Variants in IL1RL1 observed in about 807,000 individuals in gnomAD.
IL1RL1 encodes the protein interleukin 1 receptor like 1, also known as interleukin-1 receptor-like 1.
Under a neutral mutation model 50.9 loss-of-function variants are expected in IL1RL1, and 32 were observed. That is an observed-to-expected ratio of 0.63 (90% CI 0.47 to 0.84). IL1RL1 has a LOEUF of 0.84. IL1RL1 is among the 40% of genes least tolerant of loss of function. The pLI is 0.00. For synonymous variants in IL1RL1, 275 were observed against 236.0 expected (o/e 1.17, Z -1.51); for missense variants, 773 against 662.9 (o/e 1.17, Z -1.82).
chr2:102,332,875 G>C (rs1677214008), intron 1 of IL1RL1, among the ~76,000 whole-genome samples: 1 of 152,172 alleles, frequency 6.6e-6, no homozygotes, highest in Non-Finnish European at 1.5e-5. Flanking sequence ...GAGTAGTTAG[G>C]CTAAGTCTCA....
chr2:102,343,531 T>G, intron 8 of IL1RL1, 116 bp downstream of exon 8: 1 of 1,588,746 alleles, frequency 6.3e-7, no homozygotes, highest in South Asian at 1.1e-5. Flanking sequence ...TGCCATAAAA[T>G]GTGCTTCTCT....
chr2:102,334,472 C>T (rs957522947), intron 1 of IL1RL1, among the ~76,000 whole-genome samples: 3 of 151,998 alleles, frequency 2.0e-5, no homozygotes, highest in Non-Finnish European at 4.4e-5. Flanking sequence ...CAGGCTAGGC[C>T]GTCTAGGGGC....
Position 102,323,598 on chromosome 2 carries a change from G to A in IL1RL1, c.-150+11975G>A, listed in dbSNP as rs116060721. ...TGGGAGAGAAGAAGCAAGGGGTGGGGGAGTGCTAAGTTCTTTTTAACAGCC... is the reference window on the plus strand; with the variant it reads ...TGGGAGAGAAGAAGCAAGGGGTGGGAGAGTGCTAAGTTCTTTTTAACAGCC... On this transcript the variant is annotated intron_variant, in intron 1 of 10. Transcript: ENST00000233954. Among the ~76,000 whole-genome samples the A allele has an allele frequency of 4.7e-4, 72 of 152,022 alleles. 1 individual carries two copies. The highest frequency in any genetic ancestry group is 1.7e-3 in the African/African-American group (71 of 41,472).
At chr2:102,324,390 T>C (rs1038954935) in intron 1 of IL1RL1, among the ~76,000 whole-genome samples, 3 of 152,122 alleles carry the variant, frequency 2.0e-5, no homozygotes, top group Admixed American at 1.3e-4. Flanking sequence ...GATGGCCAAA[T>C]AGGAACAGCT....
intron 1 of IL1RL1, among the ~76,000 whole-genome samples, chr2:102,330,184 T>G (rs1022665956): frequency 2.6e-5 from 4 of 152,204 alleles, no homozygotes; most frequent in Non-Finnish European, 2.9e-5. Context: ...GTTCATGTCC[T>G]TTGTAGGGAC....
rs550074742 is a variant in IL1RL1, at chr2:102,341,061, C to T, written c.610+233C>T. On this transcript the variant is annotated intron_variant, in intron 5 of 10. Coordinates refer to ENST00000233954, the MANE Select transcript of IL1RL1 (RefSeq NM_016232.5). ...TTACTAATTCAAAGCCACATCTGTT[C>T]TTTATTCTTTTTTTGTGACTTAATT... 91 of 693,056 alleles carry T rather than the reference C, an allele frequency of 1.3e-4. 1 individual carries two copies. Among genetic ancestry groups the T allele is most frequent in the Non-Finnish European group, 1.8e-4 (87 of 484,816 alleles). The allele number at this position is 693,056 out of a possible 1,614,324, so 42.9% of individuals were successfully genotyped here. A position where few individuals can be genotyped will look rare whatever the true frequency, so the allele number is the denominator to read the frequency against.
chr2:102,314,225 C>A (rs1260392582), intron 1 of IL1RL1, among the ~76,000 whole-genome samples: 1 of 152,202 alleles, frequency 6.6e-6, no homozygotes, highest in Non-Finnish European at 1.5e-5. Context: ...CACACCACAT[C>A]CTGCCATTCT....
At chr2:102,338,805 T>G in intron 2 of IL1RL1, 32 bp from the exon 3 acceptor site, 1 of 1,484,254 alleles carries the variant, frequency 6.7e-7, no homozygotes, top group South Asian at 1.1e-5. Context: ...ATTTGATCAT[T>G]TCAGGATTGT....
intron 1 of IL1RL1, among the ~76,000 whole-genome samples, chr2:102,312,002 T>C (rs1573122386): frequency 3.5e-5 from 1 of 28,538 alleles, no homozygotes. Context: ...ATATAATATA[T>C]TTATATATAT....
intron 1 of IL1RL1, among the ~76,000 whole-genome samples, chr2:102,333,668 T>G (rs1157327192): frequency 6.6e-6 from 1 of 152,190 alleles, no homozygotes; most frequent in Non-Finnish European, 1.5e-5. Flanking sequence ...ATTGCATTAC[T>G]GGTGGGGACT....
chr2:102,349,001 G>T, intron 9 of IL1RL1, 78 bp from the exon 10 acceptor site: 1 of 1,089,864 alleles, frequency 9.2e-7, no homozygotes, highest in Admixed American at 1.8e-5. Context: ...ATAAAACTTG[G>T]AGAGGAATGT....
chr2:102,333,426 T>G (rs1432120609), intron 1 of IL1RL1, among the ~76,000 whole-genome samples: 2 of 152,120 alleles, frequency 1.3e-5, no homozygotes, highest in South Asian at 2.1e-4. Flanking sequence ...GAGCCAACAT[T>G]CAGCATGGAG....
intron 1 of IL1RL1, among the ~76,000 whole-genome samples, chr2:102,325,602 G>GA (rs1365211594): frequency 9.2e-5 from 14 of 151,980 alleles, no homozygotes; most frequent in East Asian, 3.9e-4. Flanking sequence ...TAAAAACCTT[G>GA]AAAAAAAATT....
intron 1 of IL1RL1, among the ~76,000 whole-genome samples, chr2:102,335,964 A>T (rs1367794768): frequency 6.6e-6 from 1 of 152,122 alleles, no homozygotes; most frequent in Non-Finnish European, 1.5e-5. Flanking sequence ...TACGGCGAAC[A>T]TCTCATGGTC....
At chr2:102,317,687 C>A (rs1057500833) in intron 1 of IL1RL1, among the ~76,000 whole-genome samples, 1 of 152,016 alleles carries the variant, frequency 6.6e-6, no homozygotes, top group East Asian at 1.9e-4. Flanking sequence ...AGTAAACACA[C>A]ATTTGGAGAG....
intron 1 of IL1RL1, among the ~76,000 whole-genome samples, chr2:102,314,803 C>T (rs1252960433): frequency 6.6e-6 from 1 of 152,138 alleles, no homozygotes; most frequent in Non-Finnish European, 1.5e-5. Flanking sequence ...CAGAGAGGAG[C>T]TGACTGCAAA....
chr2:102,343,148 A>G lies in IL1RL1; in HGVS notation c.795A>G (p.Arg265=). 6.2e-7 allele frequency: 1 copy of G among 1,614,146 alleles called. No individual in the cohort carries two copies. The highest frequency in any genetic ancestry group is 1.7e-5 in the Admixed American group (1 of 60,018). ...GTKITDFGEP[R]IQQEEGQNQS... ...AAATTACAGACTTTGGTGAACCAAG[A>G]ATTCAACAAGAGGAAGGGCAAAATC... Residue 265 remains arginine (R), a synonymous_variant, in exon 7 of 11, where the codon AGA becomes AGG. Transcript: ENST00000233954.
chr2:102,311,787 A>G (rs1553659690), intron 1 of IL1RL1, among the ~76,000 whole-genome samples, 164 bp downstream of exon 1: 1 of 109,538 alleles, frequency 9.1e-6, no homozygotes, highest in Admixed American at 1.3e-4. Context: ...TTGTTATAAC[A>G]TTATAACAAT....
Position 102,340,706 on chromosome 2 carries a change from A to C in IL1RL1, c.488A>C (p.Lys163Thr). Residue 163 changes from lysine to threonine, a missense_variant, in exon 5 of 11, where the codon AAG becomes ACG. Physicochemically the swap from Lys to Thr is moderately conservative, Grantham distance 78. Transcript: ENST00000233954. ...ALQGSRYRAHKSFLVIDNVMT... is the reference protein window; with the variant it reads ...ALQGSRYRAHTSFLVIDNVMT... ...CAAGGATCAAGGTACAGGGCGCACA[A>C]GTCATTTTTGGTCATTGATAATGTG... is the stretch of plus-strand genomic sequence containing the variant. The C allele has an allele frequency of 1.9e-6, 3 of 1,600,212 alleles. No individual in the cohort carries two copies. The highest frequency in any genetic ancestry group is 2.6e-6 in the Non-Finnish European group (3 of 1,176,258).
Sources: allele counts gnomAD v4.1 joint callset (sites outside exome capture counted in the v4.1 genomes callset), GRCh38; gene constraint gnomAD v4.1.1; transcripts MANE v1.5; gene names NCBI Gene and HGNC (gene_info 2026-07-23, HGNC 2026-07-21).